The following SLC25A40 variants were observed in gnomAD, a reference collection of about 807,000 sequenced individuals.
SLC25A40 encodes the protein solute carrier family 25 member 40, also known as mitochondrial glutathione transporter SLC25A40.
A neutral mutation model predicts 46.5 loss-of-function variants in SLC25A40; 41 were observed. The ratio of observed to expected loss-of-function variants is 0.88; its 90% confidence interval spans 0.69 to 1.14. The LOEUF (loss-of-function observed/expected upper bound fraction) is 1.14. Ranked by LOEUF, SLC25A40 falls within the 50% of genes most tolerant of loss-of-function variation. The pLI, the probability that SLC25A40 is intolerant of heterozygous loss-of-function variation, is 0.00. For missense variants in SLC25A40, 386 were observed against 393.6 expected, an observed-to-expected ratio of 0.98 and a Z score of 0.16; for synonymous variants, 126 against 127.5, an observed-to-expected ratio of 0.99 and a Z score of 0.08.
Position 87,847,978 on chromosome 7 carries a change from C to G in SLC25A40, c.333-1G>C. 6.3e-7 allele frequency: 1 copy of G among 1,598,490 alleles called. No individual in the cohort carries two copies. Among genetic ancestry groups the G allele is most frequent in the South Asian group, 1.2e-5 (1 of 86,460 alleles). On this transcript the variant is annotated splice_acceptor_variant, in intron 6 of 11. Coordinates refer to ENST00000341119, the MANE Select transcript of SLC25A40 (RefSeq NM_018843.4). LOFTEE classifies it high-confidence loss of function. ...AACTGTGGCAGGAACTGCCATCACT[C>G]TGTTAGATCACACAAAAAGATTTGT...
At chr7:87,852,747 A>T (rs1183409916) in intron 5 of SLC25A40, among the ~76,000 whole-genome samples, 1 of 152,168 alleles carries the variant, frequency 6.6e-6, no homozygotes, top group East Asian at 1.9e-4. Context: ...ATTTTTAACA[A>T]AGGTGCAAAA....
At chr7:87,861,023 A>T (rs867085682) in intron 1 of SLC25A40, among the ~76,000 whole-genome samples, 29 of 152,256 alleles carry the variant, frequency 1.9e-4, no homozygotes, top group Admixed American at 7.9e-4. Context: ...AAGAGGGCGA[A>T]CCTTTAATCT....
At position 87,846,972 on chromosome 7, in the gene SLC25A40, A is replaced by G. The variant is rs768498913; in HGVS notation, c.608T>C (p.Val203Ala). 1 of 1,612,230 alleles carries G rather than the reference A, an allele frequency of 6.2e-7. No individual in the cohort carries two copies. The highest frequency in any genetic ancestry group is 2.2e-5 in the East Asian group (1 of 44,830). Residue 203 changes from valine to alanine, a missense_variant, in exon 8 of 12, where the codon GTT becomes GCT. Val to Ala is a moderately conservative substitution (Grantham distance 64). Transcript: ENST00000341119. Reference protein sequence around the residue: ...ISLWRGWAPTVLRDVPFSAMY... With the variant: ...ISLWRGWAPTALRDVPFSAMY... ...ACCTGAGAAAGGTACATCTCTAAGAACAGTAGGAGCCCAGCCCCTCCAAAG... is the reference window on the plus strand; with the variant it reads ...ACCTGAGAAAGGTACATCTCTAAGAGCAGTAGGAGCCCAGCCCCTCCAAAG...
Position 87,874,536 on chromosome 7 carries a change from C to T in SLC25A40, c.-94+1560G>A, listed in dbSNP as rs192001213. On this transcript the variant is annotated intron_variant, in intron 1 of 11. Coordinates refer to ENST00000341119, the MANE Select transcript of SLC25A40 (RefSeq NM_018843.4). Reference sequence around the variant, plus strand: ...CTACTCAAATTACCCTTAAGGAAACCAAGGATACCTGAAACGCCAAAATCA... The same window carrying T: ...CTACTCAAATTACCCTTAAGGAAACTAAGGATACCTGAAACGCCAAAATCA... 1.1e-4 allele frequency among the ~76,000 whole-genome samples: 16 copies of T among 152,202 alleles called. No homozygotes were observed. In the East Asian group the frequency reaches 3.1e-3, roughly 29 times the overall value.
intron 5 of SLC25A40, among the ~76,000 whole-genome samples, chr7:87,853,246 TAGGGA>T (rs1196834577): frequency 3.9e-5 from 6 of 152,162 alleles, no homozygotes; most frequent in African/African-American, 1.4e-4. Flanking sequence ...CATTAGCCAC[TAGGGA>T]AATGCAAATT....
At position 87,860,596 on chromosome 7, in the gene SLC25A40, C is replaced by T. The variant is rs1838681417; in HGVS notation, c.-49G>A. 6.6e-6 allele frequency: 1 copy of T among 152,048 alleles called. No homozygotes were observed. The highest frequency in any genetic ancestry group is 6.6e-5 in the Admixed American group (1 of 15,262). The allele number at this position is 152,048 out of a possible 1,614,324, so 9.4% of individuals were successfully genotyped here. ...CCTGGTTTGAGTCTGTTCTTCAACTCTATGCTCCAATATTTTATTGTTTGT... is the reference window on the plus strand; with the variant it reads ...CCTGGTTTGAGTCTGTTCTTCAACTTTATGCTCCAATATTTTATTGTTTGT... On this transcript the variant is annotated 5_prime_UTR_variant, in exon 2 of 12. Transcript: ENST00000341119.
rs182919210 is a variant in SLC25A40 at position 87,847,997 on chromosome 7, G to C, written c.333-20C>G. On this transcript the variant is annotated intron_variant, in intron 6 of 11. Coordinates refer to ENST00000341119, the MANE Select transcript of SLC25A40 (RefSeq NM_018843.4). ...ATCACTCTGTTAGATCACACAAAAAGATTTGTTCAAAATTATCAAAAGATC... is the reference window on the plus strand; with the variant it reads ...ATCACTCTGTTAGATCACACAAAAACATTTGTTCAAAATTATCAAAAGATC... 1.3e-6 allele frequency: 2 copies of C among 1,585,822 alleles called. No homozygotes were observed. Among genetic ancestry groups the C allele is most frequent in the East Asian group, 2.3e-5 (1 of 43,896 alleles).
chr7:87,836,392 ATAT>A (rs774650967), intron 11 of SLC25A40, 31 bp from the exon 12 acceptor site: 1 of 1,345,174 alleles, frequency 7.4e-7, no homozygotes, highest in Non-Finnish European at 1.0e-6. Context: ...ATCAAAACAA[ATAT>A]TTTTTTCTTA....
intron 4 of SLC25A40, among the ~76,000 whole-genome samples, chr7:87,855,252 G>A (rs1271429280): frequency 6.6e-6 from 1 of 151,908 alleles, no homozygotes; most frequent in Non-Finnish European, 1.5e-5. Context: ...AACCCATTTA[G>A]AGAAGGGAAC....
At chr7:87,856,142 G>T in intron 4 of SLC25A40, 150 bp downstream of exon 4, 2 of 631,274 alleles carry the variant, frequency 3.2e-6, no homozygotes, top group South Asian at 2.1e-5. Context: ...ACCTCATCAC[G>T]TACAACTAAA....
chr7:87,848,979 G>A (rs1413985476), intron 6 of SLC25A40, among the ~76,000 whole-genome samples: 1 of 152,068 alleles, frequency 6.6e-6, no homozygotes, highest in African/African-American at 2.4e-5. Flanking sequence ...AAGTTCTTGG[G>A]AATAAATGAG....
chr7:87,846,852 A>G, intron 8 of SLC25A40, 97 bp downstream of exon 8: 1 of 1,016,548 alleles, frequency 9.8e-7, no homozygotes, highest in Non-Finnish European at 1.4e-6. Context: ...AAAATAACTT[A>G]CCTTTAATGG....
At chr7:87,873,432 T>TC (rs1175479167) in intron 1 of SLC25A40, among the ~76,000 whole-genome samples, 2 of 147,766 alleles carry the variant, frequency 1.4e-5, no homozygotes, top group Non-Finnish European at 3.0e-5. Context: ...AGGTTAACTT[T>TC]TTTTTTTTTT....
At chr7:87,873,770 G>A (rs571915847) in intron 1 of SLC25A40, among the ~76,000 whole-genome samples, 1 of 152,118 alleles carries the variant, frequency 6.6e-6, no homozygotes, top group South Asian at 2.1e-4. Context: ...AACTAGTTAG[G>A]GACAGGGCCA....
intron 4 of SLC25A40, among the ~76,000 whole-genome samples, chr7:87,855,233 A>G (rs1838591351): frequency 6.6e-6 from 1 of 152,196 alleles, no homozygotes; most frequent in Non-Finnish European, 1.5e-5. Flanking sequence ...AAGGAAGATA[A>G]AAGACGAAAA....
chr7:87,844,002 AG>A, intron 8 of SLC25A40, 139 bp from the exon 9 acceptor site: 1 of 1,320,192 alleles, frequency 7.6e-7, no homozygotes, highest in East Asian at 3.0e-5. Flanking sequence ...GACACCCACT[AG>A]GGTGGGATTT....
chr7:87,856,302 T>C lies in SLC25A40; in HGVS notation c.147A>G (p.Pro49=). ...AATTAGTACACATACCTTTGGGGAG[T>C]GGGTTGTTTTGGGCTTGGAGTCTAA... is the stretch of plus-strand genomic sequence containing the variant. ...VKIRLQAQNN[P]LPKGKCFVYS... Residue 49 remains proline (P), a synonymous_variant, in exon 4 of 12, where the codon CCA becomes CCG. Transcript: ENST00000341119. 6.2e-7 allele frequency: 1 copy of C among 1,610,512 alleles called. No individual in the cohort carries two copies. Among genetic ancestry groups the C allele is most frequent in the Non-Finnish European group, 8.5e-7 (1 of 1,178,424 alleles).
At chr7:87,850,511 A>G (rs1409470981) in intron 5 of SLC25A40, among the ~76,000 whole-genome samples, 2 of 152,218 alleles carry the variant, frequency 1.3e-5, no homozygotes, top group Non-Finnish European at 2.9e-5. Context: ...GCAGTGGCTC[A>G]GGCCTGTAAT....
At chr7:87,855,084 C>A (rs1362349465) in intron 4 of SLC25A40, among the ~76,000 whole-genome samples, 1 of 151,254 alleles carries the variant, frequency 6.6e-6, no homozygotes, top group Non-Finnish European at 1.5e-5. Context: ...ATCACCTGAG[C>A]CCAGGAGGTC....
Sources: gnomAD v4.1 joint callset for allele counts (sites outside exome capture counted in the v4.1 genomes callset) on GRCh38, gnomAD v4.1.1 for gene constraint, MANE v1.5 for transcripts, NCBI Gene and HGNC (gene_info 2026-07-23, HGNC 2026-07-21) for gene names.